Variants in SLC9A7 observed in about 807,000 individuals in gnomAD.
The protein encoded by SLC9A7 is sodium/hydrogen exchanger 7.
In SLC9A7, 19 loss-of-function variants were observed where a neutral mutation model predicts 52.6. That is an observed-to-expected ratio of 0.36 (90% CI 0.25 to 0.53). SLC9A7 has a LOEUF of 0.53. SLC9A7 is among the 20% of genes least tolerant of loss of function. The pLI is 0.91. For missense variants in SLC9A7, 455 were observed against 597.9 expected, an observed-to-expected ratio of 0.76 and a Z score of 2.49; for synonymous variants, 226 against 252.1, an observed-to-expected ratio of 0.90 and a Z score of 0.98.
At chrX:46,637,584 C>T (rs1398630113) in intron 12 of SLC9A7, among the ~76,000 whole-genome samples, 2 of 111,578 alleles carry the variant, frequency 1.8e-5, no homozygotes, top group African/African-American at 6.5e-5. Flanking sequence ...ACCGCCCCCC[C>T]AACCCACTAT....
intron 1 of SLC9A7, among the ~76,000 whole-genome samples, chrX:46,752,521 A>G (rs1396452412): frequency 9.0e-6 from 1 of 111,162 alleles, no homozygotes; most frequent in Non-Finnish European, 1.9e-5. Flanking sequence ...AGATCATCCC[A>G]TATATTGGAT....
rs781982913 is a variant in SLC9A7 at position 46,758,724 on chromosome X, G to A, written c.306C>T (p.Thr102=). The A allele has an allele frequency of 1.7e-6, 2 of 1,187,569 alleles. No homozygotes were observed. Among genetic ancestry groups the A allele is most frequent in the African/African-American group, 3.6e-5 (2 of 56,205 alleles). ...GCTCACCATAGATCATGGCCAGCCC[G>A]GTCTCGTGCAGAAAGCGCACCCGGC... ...KHRRVRFLHE[T]GLAMIYGLIV... is the part of the protein sequence containing the mutation. Residue 102 remains threonine, a synonymous_variant, in exon 1 of 17, where the codon ACC becomes ACT. Transcript: ENST00000616978.
intron 1 of SLC9A7, among the ~76,000 whole-genome samples, chrX:46,709,240 TA>T (rs199728069): frequency 1.9e-5 from 2 of 107,745 alleles, no homozygotes; most frequent in Admixed American, 2.0e-4. Flanking sequence ...TCTGTCTCTG[TA>T]AAAAAAAATA....
At position 46,744,765 on chromosome X, in the gene SLC9A7, A is replaced by G. The variant is rs181776252; in HGVS notation, c.325+13940T>C. On this transcript the variant is annotated intron_variant, in intron 1 of 16. Transcript: ENST00000616978. ...ATATACAGAATCTTAATTTTTTAAA[A>G]ATACCGTGTTTGGTAAAGAGCATTA... 3.9e-3 allele frequency among the ~76,000 whole-genome samples: 437 copies of G among 111,988 alleles called. 5 individuals carry two copies. Among genetic ancestry groups the G allele is most frequent in the African/African-American group, 0.013 (414 of 30,895 alleles).
chrX:46,675,994 G>A (rs2146854489), intron 3 of SLC9A7, among the ~76,000 whole-genome samples: 1 of 112,276 alleles, frequency 8.9e-6, no homozygotes, highest in East Asian at 2.8e-4. Context: ...GGAGGGCATG[G>A]AAGTTCCGTG....
intron 1 of SLC9A7, among the ~76,000 whole-genome samples, chrX:46,757,161 A>G (rs1922730420): frequency 8.9e-6 from 1 of 111,789 alleles, no homozygotes; most frequent in Non-Finnish European, 1.9e-5. Flanking sequence ...ATCACCTGCA[A>G]TGACCACGTG....
intron 1 of SLC9A7, among the ~76,000 whole-genome samples, chrX:46,741,772 A>G (rs1047059163): frequency 1.8e-5 from 2 of 110,907 alleles, no homozygotes; most frequent in South Asian, 7.6e-4. Flanking sequence ...CATGATAAAT[A>G]AAAGTTGATA....
rs183774976 is a variant in SLC9A7 at position 46,731,741 on chromosome X, A to T, written c.325+26964T>A. Among the ~76,000 whole-genome samples the T allele has an allele frequency of 5.9e-3, 654 of 111,699 alleles. 4 individuals are homozygous for T. The highest frequency in any genetic ancestry group is 0.02 in the African/African-American group (630 of 30,892). ...AAAACAGAAAAAATATTTGCAATTT[A>T]TCACAGATAAAGGGCTAATCTCTGT... On this transcript the variant is annotated intron_variant, in intron 1 of 16. Coordinates refer to ENST00000616978, the MANE Select transcript of SLC9A7 (RefSeq NM_001257291.2).
intron 1 of SLC9A7, among the ~76,000 whole-genome samples, chrX:46,718,767 G>A (rs924717024): frequency 3.6e-5 from 4 of 112,104 alleles, no homozygotes; most frequent in African/African-American, 1.3e-4. Flanking sequence ...ACACCAGTTA[G>A]AATGGCGATC....
In SLC9A7 at chrX:46,604,552, C is replaced by A. The variant is rs1942712268; in HGVS notation, c.*2400G>T. On this transcript the variant is annotated 3_prime_UTR_variant, in exon 17 of 17. Transcript: ENST00000616978. Reference sequence around the variant, plus strand: ...GGCTCAAGCAATCCTCCCACCTCAGCCTCCCAAGTAGCTAGAACTACAGGC... The same window carrying A: ...GGCTCAAGCAATCCTCCCACCTCAGACTCCCAAGTAGCTAGAACTACAGGC... The A allele has an allele frequency of 9.1e-6, 1 of 110,233 alleles. No individual in the cohort carries two copies. Among genetic ancestry groups the A allele is most frequent in the Non-Finnish European group, 1.9e-5 (1 of 52,783 alleles). The allele number at this position is 110,233 out of a possible 1,213,427, so 9.1% of individuals were successfully genotyped here.
chrX:46,665,593 T>C (rs1169837879), intron 5 of SLC9A7, among the ~76,000 whole-genome samples: 1 of 99,086 alleles, frequency 1.0e-5, no homozygotes, highest in African/African-American at 3.9e-5. Flanking sequence ...ATTGTTAAGA[T>C]AGTAAATTTT....
intron 12 of SLC9A7, among the ~76,000 whole-genome samples, chrX:46,636,995 T>C (rs1252370172): frequency 8.9e-6 from 1 of 112,184 alleles, no homozygotes; most frequent in East Asian, 2.8e-4. Flanking sequence ...ACAAGCCAGA[T>C]TCCTTAATGT....
intron 14 of SLC9A7, among the ~76,000 whole-genome samples, chrX:46,624,142 G>A (rs1223819320): frequency 8.9e-6 from 1 of 112,494 alleles, no homozygotes; most frequent in Non-Finnish European, 1.9e-5. Context: ...GGCTATTTCC[G>A]AGTTGTATCC....
chrX:46,713,013 A>G (rs1358016585), intron 1 of SLC9A7, among the ~76,000 whole-genome samples: 1 of 112,200 alleles, frequency 8.9e-6, no homozygotes, highest in African/African-American at 3.2e-5. Context: ...TGGTGCTCTG[A>G]GTTTCTTGAT....
intron 11 of SLC9A7, among the ~76,000 whole-genome samples, 168 bp from the exon 12 acceptor site, chrX:46,643,557 A>T (rs1473508920): frequency 8.9e-6 from 1 of 112,156 alleles, no homozygotes; most frequent in East Asian, 2.8e-4. Context: ...CTTTTATTTG[A>T]TGCTGTCTTT....
intron 7 of SLC9A7, among the ~76,000 whole-genome samples, chrX:46,659,246 A>G (rs1461267310): frequency 1.8e-5 from 2 of 110,343 alleles, no homozygotes; most frequent in African/African-American, 6.6e-5. Flanking sequence ...GCTATCTATG[A>G]CAAACCCACA....
intron 1 of SLC9A7, among the ~76,000 whole-genome samples, chrX:46,684,468 G>A (rs184320474): frequency 9.8e-5 from 11 of 112,129 alleles, no homozygotes; most frequent in African/African-American, 2.9e-4. Flanking sequence ...GCCTCCCAAA[G>A]TGCTGGGATT....
At chrX:46,678,120 A>G (rs1193457144) in intron 3 of SLC9A7, among the ~76,000 whole-genome samples, 1 of 111,598 alleles carries the variant, frequency 9.0e-6, no homozygotes, top group South Asian at 3.7e-4. Context: ...TATTCCTAAT[A>G]CAGGTAATTT....
intron 14 of SLC9A7, among the ~76,000 whole-genome samples, chrX:46,629,785 C>T (rs940851085): frequency 8.9e-6 from 1 of 111,778 alleles, no homozygotes; most frequent in African/African-American, 3.3e-5. Flanking sequence ...GAAATAAGGA[C>T]GGCCATCATG....
Sources: gnomAD v4.1 joint callset for allele counts (sites outside exome capture counted in the v4.1 genomes callset) on GRCh38, gnomAD v4.1.1 for gene constraint, MANE v1.5 for transcripts, NCBI Gene and HGNC (gene_info 2026-07-23, HGNC 2026-07-21) for gene names.